The following LAMA3 variants were observed in gnomAD, a reference collection of about 807,000 sequenced individuals.
LAMA3 encodes laminin subunit alpha 3, also known as laminin subunit alpha-3.
Under a neutral mutation model 402.0 loss-of-function variants are expected in LAMA3, and 281 were observed. That is an observed-to-expected ratio of 0.70 (90% CI 0.63 to 0.77). The LOEUF (loss-of-function observed/expected upper bound fraction) is 0.77. Among genes scored for constraint, LAMA3 ranks in the 30% least tolerant of loss-of-function variants. The probability of loss-of-function intolerance (pLI) is 0.00; values close to 1 mark genes in which losing one functional copy is unlikely to be tolerated. For synonymous variants in LAMA3, 1,431 were observed against 1,558.4 expected (o/e 0.92, Z 1.93); for missense variants, 3,840 against 4,215.5 (o/e 0.91, Z 2.47).
In LAMA3 at chr18:23,879,042, A is replaced by C; in HGVS notation, c.5112+2635A>C. Among the ~76,000 whole-genome samples the C allele has an allele frequency of 1.5e-5, 2 of 133,218 alleles. No individual in the cohort carries two copies. The highest frequency in any genetic ancestry group is 2.9e-5 in the African/African-American group (1 of 34,584). The allele number at this position is 133,218 out of a possible 152,430, so 87.4% of individuals were successfully genotyped here. On this transcript the variant is annotated intron_variant, in intron 39 of 74. Transcript: ENST00000313654. This position sits in a 1 kb window ranked among gnomAD's most constrained non-coding sequence, Gnocchi z 4.2. ...ACCCCTTATTTTCCTCTCCGTTCCT[A>C]TTTCCCTCCCCTTTTCTTTTTCTGT...
chr18:23,885,241 C>T (rs962450912), intron 41 of LAMA3, among the ~76,000 whole-genome samples: 11 of 151,584 alleles, frequency 7.3e-5, no homozygotes, highest in African/African-American at 1.9e-4. Context: ...CTGCCCTCAA[C>T]GTATCCCTAC....
intron 13 of LAMA3, 102 bp downstream of exon 13, chr18:23,810,605 C>A: frequency 7.8e-7 from 1 of 1,281,040 alleles, no homozygotes; most frequent in Non-Finnish European, 1.1e-6. Context: ...TCACCACTGG[C>A]CACCCCCACA....
intron 23 of LAMA3, 35 bp downstream of exon 23, chr18:23,827,502 A>G (rs750618947): frequency 2.5e-6 from 4 of 1,608,190 alleles, no homozygotes; most frequent in Non-Finnish European, 3.4e-6. Flanking sequence ...CAAAGTTATT[A>G]CTACCTCCCC....
chr18:23,710,757 A>G (rs1336854272), intron 1 of LAMA3, among the ~76,000 whole-genome samples: 1 of 152,172 alleles, frequency 6.6e-6, no homozygotes. Context: ...GATTTGAATA[A>G]AAAATTTTCA....
chr18:23,728,014 G>A (rs73969518), intron 2 of LAMA3, among the ~76,000 whole-genome samples: 2,733 of 152,272 alleles, frequency 0.018, 79 homozygotes, highest in African/African-American at 0.063. Context: ...CACTACAGCT[G>A]TGAGCCACTG....
At chr18:23,819,110 A>G (rs541556330) in intron 18 of LAMA3, among the ~76,000 whole-genome samples, 1 of 152,046 alleles carries the variant, frequency 6.6e-6, no homozygotes, top group South Asian at 2.1e-4. Flanking sequence ...ATTTCCTTAA[A>G]CAAATTCATC....
chr18:23,841,225 AC>A (rs551432210), intron 27 of LAMA3, among the ~76,000 whole-genome samples: 2 of 152,002 alleles, frequency 1.3e-5, no homozygotes, highest in East Asian at 1.9e-4. Context: ...TGAACTATTT[AC>A]CCCCCCGAGT....
intron 7 of LAMA3, among the ~76,000 whole-genome samples, chr18:23,762,771 T>C (rs2061995870): frequency 6.6e-6 from 1 of 150,648 alleles, no homozygotes. Context: ...CAGGCTGGAG[T>C]GCAGTGGCAC....
intron 11 of LAMA3, among the ~76,000 whole-genome samples, chr18:23,779,734 T>G (rs776456780): frequency 6.6e-6 from 1 of 152,026 alleles, no homozygotes; most frequent in Non-Finnish European, 1.5e-5. Flanking sequence ...GGAGAAGGTA[T>G]GAGAGTCATC....
At chr18:23,691,053 A>G (rs1011239444) in intron 1 of LAMA3, among the ~76,000 whole-genome samples, 1 of 152,102 alleles carries the variant, frequency 6.6e-6, no homozygotes, top group African/African-American at 2.4e-5. Context: ...AATCCTGGAC[A>G]CTAAGCCCAA....
Position 23,756,904 on chromosome 18 carries a change from T to G in LAMA3, c.948-1492T>G, listed in dbSNP as rs1764905275. On this transcript the variant is annotated intron_variant, in intron 6 of 74. Coordinates refer to ENST00000313654, the MANE Select transcript of LAMA3 (RefSeq NM_198129.4). ...TTGCCTCCTCAGTCCCCTCCAAGCC[T>G]CCCCGCTCCCCGTTCCCTGCCCCCG... is the stretch of plus-strand genomic sequence containing the variant. 2.1e-5 allele frequency among the ~76,000 whole-genome samples: 3 copies of G among 145,176 alleles called. No individual in the cohort carries two copies. The South Asian group carries it at 6.7e-4, about 32-fold the overall frequency.
At chr18:23,708,533 TTTTA>T (rs2060931377) in intron 1 of LAMA3, among the ~76,000 whole-genome samples, 1 of 152,160 alleles carries the variant, frequency 6.6e-6, no homozygotes, top group Admixed American at 6.5e-5. Flanking sequence ...TGTTTAAAAT[TTTTA>T]TTTGTCAAAT....
At chr18:23,883,358 A>G (rs1221920427) in intron 40 of LAMA3, among the ~76,000 whole-genome samples, 3 of 152,198 alleles carry the variant, frequency 2.0e-5, no homozygotes, top group African/African-American at 7.2e-5. Flanking sequence ...GCACTTTGTC[A>G]TATCCTTACT....
At chr18:23,871,913 G>A (rs2064535668) in intron 38 of LAMA3, among the ~76,000 whole-genome samples, 1 of 152,170 alleles carries the variant, frequency 6.6e-6, no homozygotes, top group African/African-American at 2.4e-5. Context: ...GAAATCCAGG[G>A]TAGGAAAATA....
intron 48 of LAMA3, among the ~76,000 whole-genome samples, 173 bp downstream of exon 48, chr18:23,901,496 A>C (rs2081070839): frequency 6.6e-6 from 1 of 152,240 alleles, no homozygotes; most frequent in South Asian, 2.1e-4. Context: ...AGTTGTTTCT[A>C]GTCTTCAGCT....
chr18:23,872,939 G>T (rs1013512988), intron 38 of LAMA3: 6 of 1,454,830 alleles, frequency 4.1e-6, no homozygotes, highest in Non-Finnish European at 5.7e-6. Context: ...GCCGCAGACA[G>T]CCTTCCTCAC....
At chr18:23,863,219 G>A (rs973070883) in intron 35 of LAMA3, among the ~76,000 whole-genome samples, 36 of 152,312 alleles carry the variant, frequency 2.4e-4, no homozygotes, top group African/African-American at 7.7e-4. Flanking sequence ...CGAGACAAGC[G>A]GATCATCTGA....
At position 23,915,429 on chromosome 18, in the gene LAMA3, A is replaced by C; in HGVS notation, c.7778+7A>C. ...AAGTGGAGCCTTGTAGAAGGTAAATAAAATGTAGAAACCAGAAACTCTGTA... is the reference window on the plus strand; with the variant it reads ...AAGTGGAGCCTTGTAGAAGGTAAATCAAATGTAGAAACCAGAAACTCTGTA... On this transcript the variant is annotated splice_region_variant and intron_variant, in intron 59 of 74. Transcript: ENST00000313654. The C allele has an allele frequency of 6.2e-7, 1 of 1,613,038 alleles. No homozygotes were observed. The highest frequency in any genetic ancestry group is 8.5e-7 in the Non-Finnish European group (1 of 1,179,456).
intron 12 of LAMA3, among the ~76,000 whole-genome samples, chr18:23,796,450 G>A (rs2062765364): frequency 6.6e-6 from 1 of 152,166 alleles, no homozygotes; most frequent in African/African-American, 2.4e-5. Context: ...CCAAGACAGG[G>A]TGGCAAAACT....
Sources: allele counts gnomAD v4.1 joint callset (sites outside exome capture counted in the v4.1 genomes callset), GRCh38; gene constraint gnomAD v4.1.1; non-coding constraint Gnocchi (gnomAD v3.1); transcripts MANE v1.5; gene names NCBI Gene and HGNC (gene_info 2026-07-23, HGNC 2026-07-21).